WDR19: variants seen among roughly 807,000 people sequenced by gnomAD.
The protein encoded by WDR19 is WD repeat-containing protein 19.
WDR19 carries 121 observed loss-of-function variants against 180.0 expected under a neutral mutation model. That is an observed-to-expected ratio of 0.67 (90% confidence interval 0.58 to 0.78). The LOEUF (loss-of-function observed/expected upper bound fraction) is 0.78. WDR19 is among the 30% of genes least tolerant of loss of function. The probability of loss-of-function intolerance (pLI) is 0.00; values close to 1 mark genes in which losing one functional copy is unlikely to be tolerated. For missense variants in WDR19, 1,450 were observed against 1,640.7 expected (o/e 0.88, Z 2.01); for synonymous variants, 497 against 540.7 (o/e 0.92, Z 1.12).
chr4:39,191,448 C>G (rs1317637824), intron 4 of WDR19, among the ~76,000 whole-genome samples: 1 of 152,162 alleles, frequency 6.6e-6, no homozygotes, highest in African/African-American at 2.4e-5. Flanking sequence ...GTACCCAAAA[C>G]CTATCCAAAT....
intron 31 of WDR19, among the ~76,000 whole-genome samples, chr4:39,271,857 T>C (rs547750750): frequency 5.7e-4 from 87 of 152,336 alleles, no homozygotes; most frequent in African/African-American, 2.0e-3. Flanking sequence ...CTGCCCAATA[T>C]GGTAGCCACT....
chr4:39,231,715 T>G, intron 17 of WDR19, 82 bp from the exon 18 acceptor site: 1 of 1,296,864 alleles, frequency 7.7e-7, no homozygotes, highest in African/African-American at 1.5e-5. Flanking sequence ...TGGGGCACGC[T>G]ATTAGATGAC....
Position 39,253,240 on chromosome 4 carries a change from G to A in WDR19, c.2824G>A (p.Val942Ile). 6.2e-7 allele frequency: 1 copy of A among 1,613,510 alleles called. No individual in the cohort carries two copies. Among genetic ancestry groups the A allele is most frequent in the Non-Finnish European group, 8.5e-7 (1 of 1,179,712 alleles). Residue 942 changes from valine to isoleucine, a missense_variant, in exon 25 of 37, where the codon GTC becomes ATC. By Grantham distance (29) the Val-to-Ile change is conservative. Coordinates refer to ENST00000399820, the MANE Select transcript of WDR19 (RefSeq NM_025132.4). ...TCACCTCAATAATCCTGAAAAAGCT[G>A]TCAATATTGTTAGAGAGACCCAGTC... ...LDHLNNPEKA[V>I]NIVRETQSLD...
chr4:39,224,070 T>C (rs915096691), intron 14 of WDR19, among the ~76,000 whole-genome samples: 4 of 152,220 alleles, frequency 2.6e-5, no homozygotes, highest in Non-Finnish European at 5.9e-5. Context: ...TGTTTAAGTT[T>C]ATACCCAAGT....
At chr4:39,222,544 A>G (rs1157331776) in intron 14 of WDR19, among the ~76,000 whole-genome samples, 4 of 152,138 alleles carry the variant, frequency 2.6e-5, no homozygotes, top group South Asian at 2.1e-4. Flanking sequence ...TTATAGTTTT[A>G]TGTTTTGCAT....
At chr4:39,261,144 ATTT>A (rs35966394) in intron 28 of WDR19, among the ~76,000 whole-genome samples, 11 of 135,206 alleles carry the variant, frequency 8.1e-5, no homozygotes, top group African/African-American at 1.4e-4. Flanking sequence ...ACACGCGGCT[ATTT>A]TTTTTTTTTT....
In WDR19 at chr4:39,215,942, G is replaced by A; in HGVS notation, c.1063G>A (p.Asp355Asn). Reference sequence around the variant, plus strand: ...CCTGACCAAGCTTCCCATACTTGGGGATGCCTGCAGCACAAGGATTGCCTA... The same window carrying A: ...CCTGACCAAGCTTCCCATACTTGGGAATGCCTGCAGCACAAGGATTGCCTA... ...VFLTKLPILG[D>N]ACSTRIAYLT... The change falls in exon 11 of 37, where the codon GAT (aspartate) becomes AAT (asparagine). Residue 355 changes from aspartate to asparagine, a missense_variant. Physicochemically the swap from Asp to Asn is conservative, Grantham distance 23. Transcript: ENST00000399820. 1 of 1,613,624 alleles carries A rather than the reference G, an allele frequency of 6.2e-7. No homozygotes were observed. Among genetic ancestry groups the A allele is most frequent in the Non-Finnish European group, 8.5e-7 (1 of 1,179,728 alleles).
In WDR19 at chr4:39,234,804, A is replaced by T. The variant is rs1340705825; in HGVS notation, c.2292A>T (p.Gln764His). The T allele has an allele frequency of 1.5e-5, 24 of 1,585,352 alleles. No individual in the cohort carries two copies. The Admixed American group carries it at 4.3e-4, about 28-fold the overall frequency. Residue 764 changes from glutamine (Q) to histidine (H), a missense_variant, in exon 20 of 37, where the codon CAA becomes CAT. By Grantham distance (24) the Gln-to-His change is conservative. Transcript: ENST00000399820. ...RDLQHWDSAL[Q>H]LAKHLAPDQI... ...TACAGCATTGGGACAGTGCTCTACA[A>T]CTGGCAAAGCATTTGGCCCCAGACC...
chr4:39,208,831 G>C (rs1195357170), intron 9 of WDR19, among the ~76,000 whole-genome samples: 1 of 151,708 alleles, frequency 6.6e-6, no homozygotes, highest in Non-Finnish European at 1.5e-5. Context: ...GGGAGGATGT[G>C]TATAGGTTAT....
At chr4:39,257,920 C>T (rs1733917878) in intron 28 of WDR19, among the ~76,000 whole-genome samples, 1 of 151,858 alleles carries the variant, frequency 6.6e-6, no homozygotes, top group Non-Finnish European at 1.5e-5. Context: ...TGTGTACCCC[C>T]CACCCAGATC....
chr4:39,258,491 A>G (rs191431308), intron 28 of WDR19, among the ~76,000 whole-genome samples: 33 of 152,292 alleles, frequency 2.2e-4, no homozygotes, highest in African/African-American at 7.7e-4. Context: ...GTAGTATTCT[A>G]CTATATGACT....
chr4:39,279,303 CCTCT>C lies in WDR19; in HGVS notation c.*13+645_*13+648del, dbSNP rs1025371019. Among the ~76,000 whole-genome samples, 162 of 152,244 alleles carry C rather than the reference CCTCT, an allele frequency of 1.1e-3. 14 individuals are homozygous for C. Among genetic ancestry groups the C allele is most frequent in the Non-Finnish European group, 8.8e-5 (6 of 68,044 alleles). On this transcript the variant is annotated intron_variant, in intron 36 of 36. Coordinates refer to ENST00000399820, the MANE Select transcript of WDR19 (RefSeq NM_025132.4). ...TAGGAGTCGAGATGTCCCTCCACAA[CCTCT>C]CTCTGTTTTCCCTTCCTCAGGAAGC...
chr4:39,244,938 CTTTTTTTTTTTTT>C (rs72240523), intron 23 of WDR19, among the ~76,000 whole-genome samples: 1 of 115,298 alleles, frequency 8.7e-6, no homozygotes, highest in Non-Finnish European at 1.8e-5. Context: ...TTTTTTTTTT[CTTTTTTTTTTTTT>C]TTGAGACAGA....
At chr4:39,280,116 C>CTTTTTTTTTTTTTTT (rs1736329750) in intron 36 of WDR19, among the ~76,000 whole-genome samples, 1 of 52,474 alleles carries the variant, frequency 1.9e-5, no homozygotes, top group African/African-American at 5.2e-5. Context: ...TTTCCCTTTT[C>CTTTTTTTTTTTTTTT]TTGTTTTTTT....
chr4:39,271,260 G>A (rs940014563), intron 31 of WDR19, among the ~76,000 whole-genome samples: 5 of 152,150 alleles, frequency 3.3e-5, no homozygotes, highest in Non-Finnish European at 7.3e-5. Context: ...ATTGTTAATA[G>A]TGTTGTATAT....
intron 2 of WDR19, 144 bp from the exon 3 acceptor site, chr4:39,186,395 C>T (rs1725541113): frequency 2.2e-6 from 1 of 452,192 alleles, no homozygotes; most frequent in South Asian, 3.3e-5. Flanking sequence ...AGGGGAATCG[C>T]TTGAACCTGG....
intron 21 of WDR19, among the ~76,000 whole-genome samples, chr4:39,241,888 A>G (rs1346294611): frequency 6.6e-6 from 1 of 151,182 alleles, no homozygotes; most frequent in African/African-American, 2.4e-5. Context: ...TAATGATTTT[A>G]TATATTTTCT....
At chr4:39,254,443 A>T (rs986445286) in intron 26 of WDR19, among the ~76,000 whole-genome samples, 1 of 152,194 alleles carries the variant, frequency 6.6e-6, no homozygotes, top group African/African-American at 2.4e-5. Context: ...GTGAACAGTG[A>T]TATACACAAG....
chr4:39,267,882 A>C, intron 29 of WDR19, 113 bp from the exon 30 acceptor site: 1 of 947,492 alleles, frequency 1.1e-6, no homozygotes, highest in Non-Finnish European at 1.6e-6. Context: ...TTTTTAAAGC[A>C]ATATCAATTC....
Sources: gnomAD v4.1 joint callset for allele counts (sites outside exome capture counted in the v4.1 genomes callset) on GRCh38, gnomAD v4.1.1 for gene constraint, MANE v1.5 for transcripts, NCBI Gene and HGNC (gene_info 2026-07-23, HGNC 2026-07-21) for gene names.